NLN: variants seen among roughly 807,000 people sequenced by gnomAD.
The protein encoded by NLN is neurolysin.
A neutral mutation model predicts 79.9 loss-of-function variants in NLN; 64 were observed. That is an observed-to-expected ratio of 0.80 (90% CI 0.65 to 0.99). The LOEUF (loss-of-function observed/expected upper bound fraction) is 0.99. Ranked by LOEUF, NLN falls within the 50% of genes least tolerant of loss-of-function variation. The probability of loss-of-function intolerance (pLI) is 0.00; values close to 1 mark genes in which losing one functional copy is unlikely to be tolerated. For synonymous variants in NLN, 267 were observed against 296.6 expected, an observed-to-expected ratio of 0.90 and a Z score of 1.02; for missense variants, 835 against 858.7, an observed-to-expected ratio of 0.97 and a Z score of 0.34.
chr5:65,732,812 C>A (rs1232440594), intron 1 of NLN, among the ~76,000 whole-genome samples: 1 of 141,598 alleles, frequency 7.1e-6, no homozygotes, highest in South Asian at 2.2e-4. Flanking sequence ...TGGCCTTGAA[C>A]CAATCACACA....
At chr5:65,745,133 G>C (rs557718666) in intron 1 of NLN, among the ~76,000 whole-genome samples, 2 of 152,320 alleles carry the variant, frequency 1.3e-5, no homozygotes, top group Admixed American at 1.3e-4. Context: ...AGCTGCCCAA[G>C]TCTATGTGAC....
intron 2 of NLN, among the ~76,000 whole-genome samples, chr5:65,761,082 G>A (rs1025692054): frequency 1.3e-4 from 20 of 152,040 alleles, no homozygotes; most frequent in African/African-American, 4.3e-4. Context: ...GGCACTGGGC[G>A]TCAGCATTGT....
At chr5:65,792,693 G>A in intron 9 of NLN, 38 bp downstream of exon 9, 1 of 1,496,418 alleles carries the variant, frequency 6.7e-7, no homozygotes. Context: ...CTGCCAATTA[G>A]TTTTTTTAGA....
rs2150728285 is a variant in NLN, at chr5:65,722,241, C to CT, written c.-132dup. On this transcript the variant is annotated 5_prime_UTR_variant, in exon 1 of 13. Coordinates refer to ENST00000380985, the MANE Select transcript of NLN (RefSeq NM_020726.5). ...TGGAGCTGCCGCACGTGGGAGGGCG[C>CT]TGGCCAGGCAGCCACTGTGGCCTCT... 1.9e-6 allele frequency: 1 copy of CT among 528,098 alleles called. No individual in the cohort carries two copies. Among genetic ancestry groups the CT allele is most frequent in the East Asian group, 3.8e-5 (1 of 26,112 alleles). 32.7% of individuals were successfully genotyped at this position (528,098 alleles called of 1,614,324 possible).
intron 8 of NLN, among the ~76,000 whole-genome samples, chr5:65,791,031 C>T (rs1436801661): frequency 6.6e-6 from 1 of 152,226 alleles, no homozygotes; most frequent in Non-Finnish European, 1.5e-5. Flanking sequence ...TTAATACTTA[C>T]TTCCTGTCAT....
chr5:65,722,686 G>A, intron 1 of NLN: 1 of 488,448 alleles, frequency 2.0e-6, no homozygotes, highest in African/African-American at 2.1e-5. Context: ...CACAGACGCG[G>A]CCCAAAATGA....
intron 12 of NLN, among the ~76,000 whole-genome samples, chr5:65,817,700 G>A (rs749696108): frequency 3.0e-4 from 45 of 152,298 alleles, no homozygotes; most frequent in South Asian, 6.2e-4. Context: ...AAATTCAAGA[G>A]AGTTAAGTGT....
intron 1 of NLN, among the ~76,000 whole-genome samples, chr5:65,729,167 TAAC>T (rs1382789582): frequency 2.6e-5 from 4 of 151,998 alleles, no homozygotes; most frequent in South Asian, 2.1e-4. Flanking sequence ...TTAATAAACT[TAAC>T]AATATTTACA....
chr5:65,761,002 A>G (rs1268868936), intron 2 of NLN, among the ~76,000 whole-genome samples: 1 of 152,126 alleles, frequency 6.6e-6, no homozygotes, highest in Non-Finnish European at 1.5e-5. Flanking sequence ...ACTTTCTCTT[A>G]TCTGGGCATA....
intron 4 of NLN, among the ~76,000 whole-genome samples, chr5:65,777,791 G>A (rs927610247): frequency 8.5e-5 from 13 of 152,060 alleles, no homozygotes; most frequent in African/African-American, 2.9e-4. Flanking sequence ...CAAGCATTTC[G>A]GATAAGGGAT....
At chr5:65,802,637 G>A (rs1246571192) in intron 9 of NLN, among the ~76,000 whole-genome samples, 2 of 152,212 alleles carry the variant, frequency 1.3e-5, no homozygotes, top group African/African-American at 4.8e-5. Flanking sequence ...CCGTGCCCAG[G>A]AAGAAGGAGG....
Position 65,798,448 on chromosome 5 carries a change from C to G in NLN, c.1527+5793C>G, listed in dbSNP as rs570900433. Among the ~76,000 whole-genome samples the G allele has an allele frequency of 6.6e-5, 10 of 152,298 alleles. No homozygotes were observed. In the East Asian group the frequency reaches 1.7e-3, roughly 26 times the overall value. On this transcript the variant is annotated intron_variant, in intron 9 of 12. Coordinates refer to ENST00000380985, the MANE Select transcript of NLN (RefSeq NM_020726.5). ...TCTCCTAAGTTTATTAAATGACACT[C>G]TAATAATGTAGAATGAATGCAAATG...
At chr5:65,782,975 C>CT (rs1439634640) in intron 6 of NLN, among the ~76,000 whole-genome samples, 1 of 152,152 alleles carries the variant, frequency 6.6e-6, no homozygotes, top group African/African-American at 2.4e-5. Context: ...CCTTCCATTC[C>CT]TGTACATTTT....
intron 8 of NLN, among the ~76,000 whole-genome samples, chr5:65,791,659 G>A (rs1308039153): frequency 6.6e-6 from 1 of 151,874 alleles, no homozygotes; most frequent in African/African-American, 2.4e-5. Flanking sequence ...GGAGGCAGAG[G>A]TTGCAGTGAG....
chr5:65,825,524 C>T lies in NLN; in HGVS notation c.*2609C>T, dbSNP rs1318317130. 2 of 152,090 alleles carry T rather than the reference C, an allele frequency of 1.3e-5. No individual in the cohort carries two copies. The highest frequency in any genetic ancestry group is 1.5e-5 in the Non-Finnish European group (1 of 68,026). The allele number at this position is 152,090 out of a possible 1,614,324, so 9.4% of individuals were successfully genotyped here. A position where few individuals can be genotyped will look rare whatever the true frequency, so the allele number is the denominator to read the frequency against. On this transcript the variant is annotated 3_prime_UTR_variant, in exon 13 of 13. Coordinates refer to ENST00000380985, the MANE Select transcript of NLN (RefSeq NM_020726.5). The stretch of plus-strand genomic sequence containing the variant: ...GCTGCAGAGAAGAGAAATGTCTTGA[C>T]GTTTTGCCACCTGATGTAGACTTTG...
chr5:65,785,388 C>T (rs990265809), intron 6 of NLN, among the ~76,000 whole-genome samples: 4 of 152,002 alleles, frequency 2.6e-5, no homozygotes, highest in Admixed American at 1.3e-4. Context: ...ATAAATTTTA[C>T]GTTATGTGTA....
chr5:65,805,361 C>T (rs1760389690), intron 9 of NLN, among the ~76,000 whole-genome samples: 2 of 152,172 alleles, frequency 1.3e-5, no homozygotes, highest in Admixed American at 1.3e-4. Flanking sequence ...CCTCTTGTGC[C>T]AGTCAGTCAA....
In NLN at chr5:65,824,331, G is replaced by A. The variant is rs984626202; in HGVS notation, c.*1416G>A. On this transcript the variant is annotated 3_prime_UTR_variant, in exon 13 of 13. Coordinates refer to ENST00000380985, the MANE Select transcript of NLN (RefSeq NM_020726.5). ...AAGTTACAGATAGCAGGAAATGCAA[G>A]AGCTAGGAGATTCCTAGATTATATC... 3.3e-5 allele frequency: 5 copies of A among 152,122 alleles called. No homozygotes were observed. Among genetic ancestry groups the A allele is most frequent in the Non-Finnish European group, 5.9e-5 (4 of 68,014 alleles). The allele number at this position is 152,122 out of a possible 1,614,324, so 9.4% of individuals were successfully genotyped here.
At chr5:65,801,714 G>A (rs2150769506) in intron 9 of NLN, among the ~76,000 whole-genome samples, 1 of 152,246 alleles carries the variant, frequency 6.6e-6, no homozygotes, top group South Asian at 2.1e-4. Context: ...GCTACAAAAT[G>A]GCTTTTGAAT....
Sources: allele counts gnomAD v4.1 joint callset (sites outside exome capture counted in the v4.1 genomes callset), GRCh38; gene constraint gnomAD v4.1.1; transcripts MANE v1.5; gene names NCBI Gene and HGNC (gene_info 2026-07-23, HGNC 2026-07-21).